The following AKIRIN2 variants were observed in gnomAD, a reference collection of about 807,000 sequenced individuals.
The protein encoded by AKIRIN2 is akirin 2, also known as akirin-2.
Under a neutral mutation model 29.3 loss-of-function variants are expected in AKIRIN2, and 6 were observed. That is an observed-to-expected ratio of 0.20 (90% CI 0.11 to 0.40). The LOEUF is 0.40. Among genes scored for constraint, AKIRIN2 ranks in the 10% least tolerant of loss-of-function variants. AKIRIN2 has a pLI of 1.00. For synonymous variants in AKIRIN2, 128 were observed against 117.5 expected (o/e 1.09, Z -0.58); for missense variants, 210 against 276.1 (o/e 0.76, Z 1.70).
chr6:87,686,086 G>A (rs1204712671), intron 1 of AKIRIN2, among the ~76,000 whole-genome samples: 2 of 151,958 alleles, frequency 1.3e-5, no homozygotes, highest in African/African-American at 4.8e-5. Flanking sequence ...GTGGTGGCGG[G>A]CCCCTGTAAT....
rs1159269498 is a variant in AKIRIN2 at position 87,677,739 on chromosome 6, A to AAGTGAAATT, written c.529+70_529+78dup. On this transcript the variant is annotated intron_variant, in intron 3 of 4. Transcript: ENST00000257787. The stretch of plus-strand genomic sequence containing the variant: ...AGAATATACCGCACCAGTGTATAGA[A>AAGTGAAATT]AGTGAAATTAAAGTACACGTGGAAA... 4.0e-6 allele frequency: 6 copies of AAGTGAAATT among 1,491,380 alleles called. No individual in the cohort carries two copies. In the Admixed American group the frequency reaches 9.4e-5, roughly 23 times the overall value. 92.4% of individuals were successfully genotyped at this position (1,491,380 alleles called of 1,614,324 possible).
Position 87,681,703 on chromosome 6 carries a change from T to C in AKIRIN2, c.296A>G (p.Glu99Gly). 6.2e-7 allele frequency: 1 copy of C among 1,612,940 alleles called. No individual in the cohort carries two copies. Among genetic ancestry groups the C allele is most frequent in the South Asian group, 1.1e-5 (1 of 90,970 alleles). ...YKRMQKRRHLETSFQQTDPCC... is the reference protein window; with the variant it reads ...YKRMQKRRHLGTSFQQTDPCC... ...CGGATCTGTCTGTTGGAAACTCGTT[T>C]CTAAATGTCTTCTCTTCTGCATTCG... Residue 99 changes from glutamate (E) to glycine (G), a missense_variant, in exon 2 of 5, where the codon GAA (glutamate) becomes GGA (glycine). Coordinates refer to ENST00000257787, the MANE Select transcript of AKIRIN2 (RefSeq NM_018064.4).
intron 1 of AKIRIN2, among the ~76,000 whole-genome samples, chr6:87,695,635 T>C (rs2128302814): frequency 6.6e-6 from 1 of 152,310 alleles, no homozygotes; most frequent in East Asian, 1.9e-4. Flanking sequence ...GGTTAACTAA[T>C]TCAGTGATAG....
At chr6:87,684,718 A>ATATCCT (rs1771163137) in intron 1 of AKIRIN2, among the ~76,000 whole-genome samples, 2 of 152,166 alleles carry the variant, frequency 1.3e-5, no homozygotes, top group Non-Finnish European at 2.9e-5. Flanking sequence ...ATTCCTTTTT[A>ATATCCT]TTGGTGAGTA....
intron 1 of AKIRIN2, among the ~76,000 whole-genome samples, chr6:87,700,276 A>AAC (rs1554258133): frequency 3.3e-5 from 5 of 151,908 alleles, no homozygotes; most frequent in South Asian, 2.1e-4. Flanking sequence ...ACAAAAAAAA[A>AAC]AAAACACTAA....
chr6:87,698,200 C>G (rs942051877), intron 1 of AKIRIN2, among the ~76,000 whole-genome samples: 1 of 152,078 alleles, frequency 6.6e-6, no homozygotes, highest in African/African-American at 2.4e-5. Context: ...TTCCACTGAT[C>G]ACTTTTCCTT....
chr6:87,701,888 G>A lies in AKIRIN2; in HGVS notation c.-204C>T. On this transcript the variant is annotated 5_prime_UTR_variant, in exon 1 of 5. Coordinates refer to ENST00000257787, the MANE Select transcript of AKIRIN2 (RefSeq NM_018064.4). Reference sequence around the variant, plus strand: ...GCGGCAGGGGCAGTGGCCAGGGACGGCCCGGGTGAGAGCGGGAGGGGCGGT... The same window carrying A: ...GCGGCAGGGGCAGTGGCCAGGGACGACCCGGGTGAGAGCGGGAGGGGCGGT... The A allele has an allele frequency of 4.7e-6, 2 of 423,836 alleles. No individual in the cohort carries two copies. Among genetic ancestry groups the A allele is most frequent in the Non-Finnish European group, 4.2e-6 (1 of 240,838 alleles). 26.3% of individuals were successfully genotyped at this position (423,836 alleles called of 1,614,324 possible). A position where few individuals can be genotyped will look rare whatever the true frequency, so the allele number is the denominator to read the frequency against.
intron 1 of AKIRIN2, among the ~76,000 whole-genome samples, chr6:87,699,848 A>T (rs974382636): frequency 2.0e-5 from 3 of 152,342 alleles, no homozygotes; most frequent in African/African-American, 7.2e-5. Context: ...TCCCAAACCT[A>T]GCACTGTATT....
At chr6:87,687,439 C>CCAAAAAA (rs1771205457) in intron 1 of AKIRIN2, among the ~76,000 whole-genome samples, 1 of 109,156 alleles carries the variant, frequency 9.2e-6, no homozygotes, top group Non-Finnish European at 1.9e-5. Flanking sequence ...AATTCCGTTT[C>CCAAAAAA]AAAAAAAAAA....
intron 1 of AKIRIN2, among the ~76,000 whole-genome samples, chr6:87,685,411 T>C (rs1215972587): frequency 6.6e-6 from 1 of 152,224 alleles, no homozygotes. Context: ...AGGCCTTCCA[T>C]ATATCAGTCA....
At chr6:87,680,845 T>C (rs1771109462) in intron 2 of AKIRIN2, among the ~76,000 whole-genome samples, 1 of 135,178 alleles carries the variant, frequency 7.4e-6, no homozygotes, top group Admixed American at 8.4e-5. Context: ...TAAAAACAGA[T>C]ACAGGATCAA....
At chr6:87,700,780 G>A (rs1417793167) in intron 1 of AKIRIN2, 5 of 154,670 alleles carry the variant, frequency 3.2e-5, no homozygotes, top group African/African-American at 1.2e-4. Context: ...CATTTCTCAA[G>A]GTCTAGACTT....
chr6:87,701,586 G>A lies in AKIRIN2; in HGVS notation c.99C>T (p.Pro33=). Residue 33 remains proline (P), a synonymous_variant, in exon 1 of 5, where the codon CCC becomes CCT. Transcript: ENST00000257787. ...ACAACGGGGAGGCAGCGGCCGAGGT[G>A]GGCGCCGACAATGGCGCACATCGCC... ...KRRRCAPLSA[P]TSAAASPLSA... is the part of the protein sequence containing the mutation. The A allele has an allele frequency of 7.0e-7, 1 of 1,427,010 alleles. No individual in the cohort carries two copies. Among genetic ancestry groups the A allele is most frequent in the Non-Finnish European group, 9.2e-7 (1 of 1,092,758 alleles). The allele number at this position is 1,427,010 out of a possible 1,614,324, so 88.4% of individuals were successfully genotyped here.
intron 1 of AKIRIN2, among the ~76,000 whole-genome samples, chr6:87,696,935 G>A (rs895015700): frequency 1.3e-4 from 19 of 151,868 alleles, no homozygotes; most frequent in African/African-American, 4.1e-4. Flanking sequence ...GAAACTAGGA[G>A]GTGGAGGTTG....
intron 1 of AKIRIN2, among the ~76,000 whole-genome samples, chr6:87,688,490 A>G (rs1771226742): frequency 6.6e-6 from 1 of 152,178 alleles, no homozygotes; most frequent in Admixed American, 6.5e-5. Context: ...TCACGCCTGT[A>G]ATCCCAGCAC....
chr6:87,676,907 T>C (rs1454855098), intron 3 of AKIRIN2, among the ~76,000 whole-genome samples: 6 of 150,664 alleles, frequency 4.0e-5, no homozygotes, highest in Non-Finnish European at 8.8e-5. Flanking sequence ...AAACCCTGTC[T>C]CTACTAAAAA....
intron 1 of AKIRIN2, among the ~76,000 whole-genome samples, chr6:87,698,191 T>G (rs1771401520): frequency 6.6e-6 from 1 of 152,116 alleles, no homozygotes; most frequent in Non-Finnish European, 1.5e-5. Context: ...TCCCCTTACT[T>G]CCACTGATCA....
intron 1 of AKIRIN2, among the ~76,000 whole-genome samples, chr6:87,694,199 A>G (rs990129091): frequency 6.6e-6 from 1 of 152,218 alleles, no homozygotes; most frequent in Non-Finnish European, 1.5e-5. Context: ...AATGCTAACC[A>G]AAGTGAGAAT....
In AKIRIN2 at chr6:87,675,578, C is replaced by G. The variant is rs375345493; in HGVS notation, c.*19G>C. 1.5e-5 allele frequency: 25 copies of G among 1,613,816 alleles called. No homozygotes were observed. The highest frequency in any genetic ancestry group is 2.0e-5 in the Non-Finnish European group (24 of 1,179,928). ...ACTCAACAAGGAACAAGGCAGCCCA[C>G]AAATGCAGGATACGTGATTCATGAA... On this transcript the variant is annotated 3_prime_UTR_variant, in exon 5 of 5. Coordinates refer to ENST00000257787, the MANE Select transcript of AKIRIN2 (RefSeq NM_018064.4).
Sources: gnomAD v4.1 joint callset for allele counts (sites outside exome capture counted in the v4.1 genomes callset) on GRCh38, gnomAD v4.1.1 for gene constraint, MANE v1.5 for transcripts, NCBI Gene and HGNC (gene_info 2026-07-23, HGNC 2026-07-21) for gene names.